EFCAB5: variants seen among roughly 807,000 people sequenced by gnomAD.
EFCAB5 encodes the protein EF-hand calcium-binding domain-containing protein 5.
A neutral mutation model predicts 167.9 loss-of-function variants in EFCAB5; 131 were observed. The observed-to-expected ratio is 0.78, with a 90% CI of 0.68 to 0.90. The LOEUF (loss-of-function observed/expected upper bound fraction) is 0.90, where lower values mean the gene tolerates loss of function less well. Ranked by LOEUF, EFCAB5 falls within the 40% of genes least tolerant of loss-of-function variation. EFCAB5 has a pLI of 0.00. For missense variants in EFCAB5, 1,663 were observed against 1,745.2 expected (o/e 0.95, Z 0.84); for synonymous variants, 574 against 602.8 (o/e 0.95, Z 0.70).
At position 30,022,369 on chromosome 17, in the gene EFCAB5, A is replaced by T. The variant is rs573297565; in HGVS notation, c.1045-11861A>T. Among the ~76,000 whole-genome samples the T allele has an allele frequency of 2.3e-3, 357 of 152,290 alleles. 1 individual carries two copies. Among genetic ancestry groups the T allele is most frequent in the Non-Finnish European group, 3.9e-3 (263 of 68,008 alleles). ...GGATTGGACTAGGGTAGAACCAGAG[A>T]AGGAGAGGATCAAAATATTAGTAAA... On this transcript the variant is annotated intron_variant, in intron 7 of 22. Transcript: ENST00000394835.
At chr17:30,041,177 C>T (rs766168765) in intron 8 of EFCAB5, among the ~76,000 whole-genome samples, 3 of 142,820 alleles carry the variant, frequency 2.1e-5, no homozygotes, top group Non-Finnish European at 4.5e-5. Context: ...ACTGACAGAT[C>T]GAAAGAAAGG....
chr17:30,015,825 G>T (rs943225187), intron 7 of EFCAB5, among the ~76,000 whole-genome samples: 78 of 148,646 alleles, frequency 5.2e-4, no homozygotes, highest in African/African-American at 1.7e-3. Flanking sequence ...GTGCAATGGT[G>T]CAACTGGCTC....
intron 22 of EFCAB5, among the ~76,000 whole-genome samples, chr17:30,098,504 C>G (rs1169430362): frequency 6.6e-6 from 1 of 151,416 alleles, no homozygotes; most frequent in Admixed American, 6.6e-5. Context: ...TACACTCCAG[C>G]CTGGGCCACA....
At position 29,943,612 on chromosome 17, in the gene EFCAB5, T is replaced by A; in HGVS notation, c.153T>A (p.Ser51Arg). 1 of 1,585,832 alleles carries A rather than the reference T, an allele frequency of 6.3e-7. No individual in the cohort carries two copies. Reference protein sequence around the residue: ...PDVPVKEDTNSVVEKAMDEIK... With the variant: ...PDVPVKEDTNRVVEKAMDEIK... ...TTCCTGTAAAAGAGGACACCAACAG[T>A]GTGGTGGAGAAAGCAATGGATGAAA... The change falls in exon 3 of 23, where the codon AGT becomes AGA. Residue 51 changes from serine (S) to arginine (R), a missense_variant. Ser to Arg is a moderately radical substitution (Grantham distance 110). Transcript: ENST00000394835.
intron 4 of EFCAB5, among the ~76,000 whole-genome samples, chr17:29,988,183 C>A (rs1288901195): frequency 1.3e-5 from 2 of 152,124 alleles, no homozygotes; most frequent in African/African-American, 4.8e-5. Flanking sequence ...CCATTTGATT[C>A]CCTTCAGTTA....
intron 14 of EFCAB5, among the ~76,000 whole-genome samples, chr17:30,066,131 C>A (rs1033290618): frequency 7.9e-5 from 12 of 152,110 alleles, no homozygotes; most frequent in Admixed American, 5.9e-4. Context: ...ACATTTTATC[C>A]AACAGCTAGC....
intron 7 of EFCAB5, among the ~76,000 whole-genome samples, chr17:30,031,028 T>G (rs1010053507): frequency 2.0e-5 from 3 of 152,204 alleles, no homozygotes; most frequent in Admixed American, 6.5e-5. Context: ...CCAATTTTTT[T>G]TTCAGCATTA....
intron 5 of EFCAB5, 154 bp from the exon 6 acceptor site, chr17:29,996,158 A>G: frequency 1.7e-6 from 1 of 584,040 alleles, no homozygotes; most frequent in Non-Finnish European, 3.0e-6. Flanking sequence ...TAGAAAGTAT[A>G]TGTGACTTAT....
chr17:29,997,332 A>T (rs2068568007), intron 6 of EFCAB5, among the ~76,000 whole-genome samples: 3 of 151,404 alleles, frequency 2.0e-5, no homozygotes, highest in Admixed American at 6.6e-5. Flanking sequence ...AAGACGTAAT[A>T]GAGTAGTCAG....
chr17:29,961,590 G>A (rs1240024631), intron 3 of EFCAB5, among the ~76,000 whole-genome samples: 1 of 151,888 alleles, frequency 6.6e-6, no homozygotes, highest in Non-Finnish European at 1.5e-5. Context: ...GTATGGTTTT[G>A]TTTGTTTGTT....
At chr17:30,051,033 A>G in intron 8 of EFCAB5, 85 bp from the exon 9 acceptor site, 2 of 1,053,492 alleles carry the variant, frequency 1.9e-6, no homozygotes, top group East Asian at 4.9e-5. Flanking sequence ...TAGTGATGAT[A>G]AAAGCTTCAA....
intron 3 of EFCAB5, among the ~76,000 whole-genome samples, chr17:29,967,936 A>G (rs1192834446): frequency 1.4e-5 from 2 of 144,968 alleles, no homozygotes; most frequent in African/African-American, 5.2e-5. Flanking sequence ...GTGCAGTGGC[A>G]TGATCGTGGC....
intron 14 of EFCAB5, among the ~76,000 whole-genome samples, chr17:30,077,403 A>C (rs1172519861): frequency 2.0e-5 from 3 of 152,156 alleles, no homozygotes; most frequent in Non-Finnish European, 2.9e-5. Flanking sequence ...GTATGTGTAG[A>C]ACACATATAT....
intron 7 of EFCAB5, chr17:30,031,825 C>CA (rs1168344227): frequency 1.3e-5 from 2 of 152,080 alleles, no homozygotes; most frequent in African/African-American, 4.8e-5. Context: ...AGTTTGAGAC[C>CA]AGTTTGGGCA....
chr17:29,936,091 A>G (rs2067243080), intron 1 of EFCAB5, among the ~76,000 whole-genome samples: 1 of 152,212 alleles, frequency 6.6e-6, no homozygotes, highest in Admixed American at 6.5e-5. Context: ...TCAGGGAAAA[A>G]GTGGCACATA....
chr17:30,049,373 C>G (rs1028073807), intron 8 of EFCAB5, among the ~76,000 whole-genome samples: 9 of 151,582 alleles, frequency 5.9e-5, no homozygotes, highest in Admixed American at 2.0e-4. Context: ...CCAGCTACTC[C>G]GGAGGCTGAG....
At position 29,979,342 on chromosome 17, in the gene EFCAB5, C is replaced by CA. The variant is rs760324799; in HGVS notation, c.767+9985dup. 1.4e-3 allele frequency among the ~76,000 whole-genome samples: 206 copies of CA among 144,446 alleles called. 1 individual carries two copies. Among genetic ancestry groups the CA allele is most frequent in the Admixed American group, 2.6e-3 (38 of 14,466 alleles). 94.8% of individuals were successfully genotyped at this position (144,446 alleles called of 152,430 possible). On this transcript the variant is annotated intron_variant, in intron 4 of 22. Coordinates refer to ENST00000394835, the MANE Select transcript of EFCAB5 (RefSeq NM_198529.4). The stretch of plus-strand genomic sequence containing the variant: ...TGAGTGAGAGAGTGAGATTCCATTT[C>CA]AAAAAAAAAAGGAAATCCTCACCAT...
At chr17:30,029,129 T>C (rs766579987) in intron 7 of EFCAB5, among the ~76,000 whole-genome samples, 4 of 152,226 alleles carry the variant, frequency 2.6e-5, no homozygotes, top group Non-Finnish European at 4.4e-5. Flanking sequence ...AATTCATTTG[T>C]TAAGCAAAGT....
intron 4 of EFCAB5, among the ~76,000 whole-genome samples, chr17:29,989,473 A>G (rs2068364547): frequency 6.6e-6 from 1 of 152,240 alleles, no homozygotes; most frequent in African/African-American, 2.4e-5. Context: ...TGTTTACCAC[A>G]GGAATTGTAA....
Sources: allele counts gnomAD v4.1 joint callset (sites outside exome capture counted in the v4.1 genomes callset), GRCh38; gene constraint gnomAD v4.1.1; transcripts MANE v1.5; gene names NCBI Gene and HGNC (gene_info 2026-07-23, HGNC 2026-07-21).